CYREN: variants seen among roughly 807,000 people sequenced by gnomAD.
CYREN encodes cell cycle regulator of non-homologous end joining.
In CYREN, 7 loss-of-function variants were observed where a neutral mutation model predicts 9.7. The ratio of observed to expected loss-of-function variants is 0.72; its 90% CI spans 0.41 to 1.36. CYREN has a LOEUF of 1.36. CYREN is among the 40% of genes most tolerant of loss of function. The pLI is 0.01. For synonymous variants in CYREN, 76 were observed against 77.9 expected (o/e 0.98, Z 0.13); for missense variants, 215 against 198.1 (o/e 1.09, Z -0.51).
chr7:135,147,309 C>T (rs981398107), intron 2 of CYREN, among the ~76,000 whole-genome samples: 4 of 152,070 alleles, frequency 2.6e-5, no homozygotes, highest in Admixed American at 2.6e-4. Flanking sequence ...GAACTAGGGG[C>T]AGGGGGAGGG....
chr7:135,159,427 A>G (rs1394949032), intron 2 of CYREN, among the ~76,000 whole-genome samples: 1 of 152,254 alleles, frequency 6.6e-6, no homozygotes, highest in Non-Finnish European at 1.5e-5. Context: ...GCTTAAACCA[A>G]CAAAAAAGCT....
chr7:135,159,912 A>G (rs1184420581), intron 2 of CYREN, among the ~76,000 whole-genome samples: 1 of 152,252 alleles, frequency 6.6e-6, no homozygotes, highest in Non-Finnish European at 1.5e-5. Context: ...GGGATGAGAC[A>G]GGCACTCTCT....
chr7:135,110,047 C>A (rs1319419441), intron 2 of CYREN, among the ~76,000 whole-genome samples: 1 of 151,992 alleles, frequency 6.6e-6, no homozygotes, highest in Non-Finnish European at 1.5e-5. Context: ...GTGGCTGCAC[C>A]AAAGGCAACA....
chr7:135,129,340 T>TA (rs1828398713), intron 2 of CYREN: 1 of 1,116,722 alleles, frequency 9.0e-7, no homozygotes, highest in East Asian at 2.4e-5. Context: ...GAGAAATTAA[T>TA]AGACTTACTA....
intron 2 of CYREN, among the ~76,000 whole-genome samples, chr7:135,153,352 G>A (rs1829708610): frequency 6.6e-6 from 1 of 151,018 alleles, no homozygotes; most frequent in Non-Finnish European, 1.5e-5. Flanking sequence ...TACTCGGGAG[G>A]CTGAGGCAGA....
intron 2 of CYREN, chr7:135,128,718 A>G: frequency 7.3e-7 from 1 of 1,373,488 alleles, no homozygotes; most frequent in South Asian, 1.2e-5. Context: ...TGATTCTCAG[A>G]AAAAAAGTGC....
At chr7:135,133,067 G>GCACACACACA (rs55861736) in intron 2 of CYREN, among the ~76,000 whole-genome samples, 148 of 150,430 alleles carry the variant, frequency 9.8e-4, no homozygotes, top group African/African-American at 3.5e-3. Flanking sequence ...ACGCATGCGT[G>GCACACACACA]CACACACACA....
intron 2 of CYREN, among the ~76,000 whole-genome samples, chr7:135,116,318 G>A (rs935455050): frequency 6.6e-6 from 1 of 152,138 alleles, no homozygotes. Context: ...GAGTCCTCCT[G>A]AACTTCATCA....
At chr7:135,119,318 C>A (rs1444280688) in intron 2 of CYREN, among the ~76,000 whole-genome samples, 3 of 152,010 alleles carry the variant, frequency 2.0e-5, no homozygotes, top group Non-Finnish European at 4.4e-5. Context: ...AAACCTCCGC[C>A]TCCTGGGTTC....
In CYREN at chr7:135,165,982, T is replaced by C. The variant is rs1830105496; in HGVS notation, c.*629A>G. 6.3e-6 allele frequency: 1 copy of C among 158,688 alleles called. No homozygotes were observed. Among genetic ancestry groups the C allele is most frequent in the South Asian group, 2.1e-4 (1 of 4,820 alleles). 9.8% of individuals were successfully genotyped at this position (158,688 alleles called of 1,614,324 possible). A position where few individuals can be genotyped will look rare whatever the true frequency, so the allele number is the denominator to read the frequency against. The stretch of plus-strand genomic sequence containing the variant: ...ATAGCTAGCTGCCCGGGGACCAAGG[T>C]ACAGGTGAAAGCAAGGTAGCAGCTT... On this transcript the variant is annotated 3_prime_UTR_variant, in exon 4 of 4. Transcript: ENST00000393114.
chr7:135,144,938 T>TAAAAAAAAAA (rs58443282), intron 2 of CYREN, among the ~76,000 whole-genome samples: 630 of 45,636 alleles, frequency 0.014, 59 homozygotes, highest in Middle Eastern at 0.019. Context: ...CTCAAAAGAG[T>TAAAAAAAAAA]AAAAAAAAAA....
At chr7:135,135,075 G>A (rs1388834223) in intron 2 of CYREN, 2 of 1,551,148 alleles carry the variant, frequency 1.3e-6, no homozygotes, top group Non-Finnish European at 1.7e-6. Context: ...GCAGCAAGTG[G>A]GAGACTGCTT....
intron 2 of CYREN, among the ~76,000 whole-genome samples, chr7:135,131,858 A>G (rs576275596): frequency 1.3e-5 from 2 of 152,308 alleles, no homozygotes; most frequent in East Asian, 1.9e-4. Flanking sequence ...ATGAAACAGG[A>G]TATCACTAAA....
At chr7:135,137,608 G>A (rs1369110565) in intron 2 of CYREN, among the ~76,000 whole-genome samples, 1 of 151,938 alleles carries the variant, frequency 6.6e-6, no homozygotes, top group African/African-American at 2.4e-5. Context: ...AACACCTTAT[G>A]TATAGATAAG....
intron 2 of CYREN, chr7:135,094,622 C>T (rs986429989): frequency 4.6e-6 from 2 of 437,214 alleles, no homozygotes; most frequent in African/African-American, 4.1e-5. Flanking sequence ...GTGAAATACA[C>T]CCAGAGCATT....
chr7:135,166,612 T>C lies in CYREN; in HGVS notation c.473A>G (p.Ter158TrpextTer64). 6.3e-7 allele frequency: 1 copy of C among 1,590,418 alleles called. No homozygotes were observed. The change falls in exon 4 of 4, where the codon TAG becomes TGG. Residue 158 changes from the stop codon to tryptophan, a stop_lost. Transcript: ENST00000393114. Reference sequence around the variant, plus strand: ...ACAGTTCAGTGCACAGTTTATGCCCTAGCTGAAAAAGATCTCCCGGACGTA... The same window carrying C: ...ACAGTTCAGTGCACAGTTTATGCCCCAGCTGAAAAAGATCTCCCGGACGTA... ...LKYVREIFFS[*>W]
chr7:135,139,919 C>G (rs528540314), intron 2 of CYREN, among the ~76,000 whole-genome samples: 2 of 151,620 alleles, frequency 1.3e-5, no homozygotes, highest in South Asian at 4.1e-4. Context: ...TAACCTGTTT[C>G]ATTAGTCTGT....
At chr7:135,133,777 C>A (rs1829109015) in intron 2 of CYREN, among the ~76,000 whole-genome samples, 1 of 152,018 alleles carries the variant, frequency 6.6e-6, no homozygotes, top group Non-Finnish European at 1.5e-5. Context: ...CACAAAAAAA[C>A]CTGTGTGTAT....
intron 2 of CYREN, among the ~76,000 whole-genome samples, chr7:135,098,148 G>T (rs1447660155): frequency 6.6e-6 from 1 of 152,138 alleles, no homozygotes; most frequent in Non-Finnish European, 1.5e-5. Context: ...GTTTTGAAAA[G>T]CTGGAAACCA....
Sources: allele counts gnomAD v4.1 joint callset (sites outside exome capture counted in the v4.1 genomes callset), GRCh38; gene constraint gnomAD v4.1.1; transcripts MANE v1.5; gene names NCBI Gene and HGNC (gene_info 2026-07-23, HGNC 2026-07-21).